COL6A6: variants seen among roughly 807,000 people sequenced by gnomAD.
COL6A6 encodes collagen alpha-6(VI) chain.
Under a neutral mutation model 208.6 loss-of-function variants are expected in COL6A6, and 183 were observed. That is an observed-to-expected ratio of 0.88 (90% CI 0.78 to 0.99). The LOEUF is 0.99. Among genes scored for constraint, COL6A6 ranks in the 50% least tolerant of loss-of-function variants. COL6A6 has a pLI of 0.00. For missense variants in COL6A6, 2,816 were observed against 2,815.2 expected, an observed-to-expected ratio of 1.00 and a Z score of -0.01; for synonymous variants, 973 against 1,011.8, an observed-to-expected ratio of 0.96 and a Z score of 0.73.
intron 1 of COL6A6, among the ~76,000 whole-genome samples, chr3:130,521,719 T>C (rs972789903): frequency 4.6e-5 from 7 of 152,160 alleles, no homozygotes; most frequent in Admixed American, 2.0e-4. Context: ...GCCTGACCCA[T>C]GTAGGGTAGG....
chr3:130,549,559 G>A (rs900078988), intron 1 of COL6A6, among the ~76,000 whole-genome samples: 1 of 150,718 alleles, frequency 6.6e-6, no homozygotes, highest in Admixed American at 6.6e-5. Context: ...ATCTTGGATT[G>A]TTTTTTTTTG....
chr3:130,603,705 A>G (rs896905183), intron 20 of COL6A6, among the ~76,000 whole-genome samples: 2 of 152,084 alleles, frequency 1.3e-5, no homozygotes, highest in African/African-American at 4.8e-5. Context: ...CCCTCTTGGC[A>G]CTCATTTACA....
At chr3:130,573,501 G>A (rs2063214387) in intron 7 of COL6A6, among the ~76,000 whole-genome samples, 1 of 150,488 alleles carries the variant, frequency 6.6e-6, no homozygotes. Flanking sequence ...TACAATTATT[G>A]TGACCACATG....
At chr3:130,655,970 C>G (rs569140637) in intron 33 of COL6A6, among the ~76,000 whole-genome samples, 1 of 152,170 alleles carries the variant, frequency 6.6e-6, no homozygotes, top group Non-Finnish European at 1.5e-5. Context: ...CAGCTCCCTG[C>G]GAGGCTGTGG....
chr3:130,661,883 A>T lies in COL6A6; in HGVS notation c.6077A>T (p.Lys2026Met), dbSNP rs201802012. ...CCCGACTTCCTACCCAACACTCAGA[A>T]GAGTCCAGTTAGAGCTGAGTTCAAT... The part of the protein sequence containing the change: ...APPDFLPNTQ[K>M]SPVRAEFNLT... The change falls in exon 35 of 37, where the codon AAG (lysine) becomes ATG (methionine). Residue 2026 changes from lysine (K) to methionine (M), a missense_variant. Transcript: ENST00000358511. The T allele has an allele frequency of 3.1e-6, 5 of 1,613,956 alleles. No individual in the cohort carries two copies. In the East Asian group the frequency reaches 8.9e-5, roughly 29 times the overall value.
intron 20 of COL6A6, among the ~76,000 whole-genome samples, chr3:130,600,106 G>A (rs1243095705): frequency 2.6e-5 from 4 of 152,200 alleles, no homozygotes; most frequent in Non-Finnish European, 4.4e-5. Flanking sequence ...CTACTAGCTA[G>A]GTTGAGATCA....
chr3:130,564,328 C>T (rs976439371), intron 3 of COL6A6, among the ~76,000 whole-genome samples: 1 of 152,174 alleles, frequency 6.6e-6, no homozygotes, highest in African/African-American at 2.4e-5. Context: ...TTGTACTACT[C>T]TAGTAACAAG....
At chr3:130,651,425 CAAAAAAAAAAAAAAA>C (rs35957602) in intron 33 of COL6A6, among the ~76,000 whole-genome samples, 42 of 61,032 alleles carry the variant, frequency 6.9e-4, no homozygotes, top group African/African-American at 2.3e-3. Flanking sequence ...GACTCCATCT[CAAAAAAAAAAAAAAA>C]AAAAAAAAGA....
In COL6A6 at chr3:130,590,944, T is replaced by G; in HGVS notation, c.4219-97T>G. The G allele has an allele frequency of 3.4e-6, 3 of 877,060 alleles. No individual in the cohort carries two copies. In the South Asian group the frequency reaches 4.4e-5, roughly 13 times the overall value. 54.3% of individuals were successfully genotyped at this position (877,060 alleles called of 1,614,324 possible). A position where few individuals can be genotyped will look rare whatever the true frequency, so the allele number is the denominator to read the frequency against. Reference sequence around the variant, plus strand: ...GACCATTTTTTTCAAACACTTACTATTCCACATGAAGTAAAACTGTAAAAC... The same window carrying G: ...GACCATTTTTTTCAAACACTTACTAGTCCACATGAAGTAAAACTGTAAAAC... On this transcript the variant is annotated intron_variant, in intron 12 of 36. Coordinates refer to ENST00000358511, the MANE Select transcript of COL6A6 (RefSeq NM_001102608.3).
At chr3:130,583,220 A>ACT in intron 10 of COL6A6, among the ~76,000 whole-genome samples, 1 of 152,290 alleles carries the variant, frequency 6.6e-6, no homozygotes, top group South Asian at 2.1e-4. Context: ...ATCTGAGTTT[A>ACT]CTACTAGGGA....
chr3:130,627,000 A>G (rs1404470944), intron 25 of COL6A6, among the ~76,000 whole-genome samples: 2 of 152,096 alleles, frequency 1.3e-5, no homozygotes, highest in South Asian at 2.1e-4. Flanking sequence ...AGGTAATACT[A>G]TTATCTCCTC....
intron 32 of COL6A6, among the ~76,000 whole-genome samples, chr3:130,645,954 C>T (rs2065451695): frequency 1.3e-5 from 2 of 152,108 alleles, no homozygotes; most frequent in South Asian, 4.1e-4. Context: ...CTAGTAAGTG[C>T]CAGTATGTGT....
In COL6A6 at chr3:130,574,802, A is replaced by G. The variant is rs188877811; in HGVS notation, c.3547+277A>G. On this transcript the variant is annotated intron_variant, in intron 8 of 36. Coordinates refer to ENST00000358511, the MANE Select transcript of COL6A6 (RefSeq NM_001102608.3). ...TGCCTTCAGGTGTGAGGAAAAGGCC[A>G]TTGTTTGCAATCTGGCTGGTTTCAG... Among the ~76,000 whole-genome samples, 17 of 152,294 alleles carry G rather than the reference A, an allele frequency of 1.1e-4. No individual in the cohort carries two copies. The East Asian group carries it at 1.4e-3, about 12-fold the overall frequency.
At chr3:130,614,446 A>G (rs1006261254) in intron 23 of COL6A6, among the ~76,000 whole-genome samples, 1 of 152,068 alleles carries the variant, frequency 6.6e-6, no homozygotes, top group African/African-American at 2.4e-5. Context: ...TTTATGTTCA[A>G]CAAGAATATC....
intron 1 of COL6A6, among the ~76,000 whole-genome samples, chr3:130,551,235 G>A (rs1000574089): frequency 2.0e-5 from 3 of 152,208 alleles, no homozygotes; most frequent in African/African-American, 7.2e-5. Flanking sequence ...AATAGTTTCA[G>A]TAGGAATAGT....
chr3:130,557,904 A>T (rs1294615896), intron 1 of COL6A6, among the ~76,000 whole-genome samples: 2 of 152,202 alleles, frequency 1.3e-5, no homozygotes, highest in African/African-American at 4.8e-5. Flanking sequence ...GTTTACAGAG[A>T]TCTAGATTTT....
intron 7 of COL6A6, among the ~76,000 whole-genome samples, chr3:130,573,431 G>A (rs2063212699): frequency 6.6e-6 from 1 of 152,150 alleles, no homozygotes; most frequent in Non-Finnish European, 1.5e-5. Context: ...ATAAAAAGAT[G>A]TGTGAGTGAT....
At chr3:130,601,948 C>T (rs1480078336) in intron 20 of COL6A6, among the ~76,000 whole-genome samples, 1 of 152,090 alleles carries the variant, frequency 6.6e-6, no homozygotes, top group Non-Finnish European at 1.5e-5. Context: ...AAACTAACTG[C>T]CATAGTCCTG....
chr3:130,612,521 T>G (rs1174027725), intron 23 of COL6A6, among the ~76,000 whole-genome samples: 1 of 152,226 alleles, frequency 6.6e-6, no homozygotes, highest in Non-Finnish European at 1.5e-5. Flanking sequence ...ATCAGTGATT[T>G]TGAGCAGTTT....
Sources: allele counts gnomAD v4.1 joint callset (sites outside exome capture counted in the v4.1 genomes callset), GRCh38; gene constraint gnomAD v4.1.1; transcripts MANE v1.5; gene names NCBI Gene and HGNC (gene_info 2026-07-23, HGNC 2026-07-21).